IQCE: variants seen among roughly 807,000 people sequenced by gnomAD.
IQCE encodes the protein IQ motif containing E.
In IQCE, 115 loss-of-function variants were observed where a neutral mutation model predicts 96.0. That is an observed-to-expected ratio of 1.20 (90% CI 1.03 to 1.40). The LOEUF (loss-of-function observed/expected upper bound fraction) is 1.40. Ranked by LOEUF, IQCE falls within the 40% of genes most tolerant of loss-of-function variation. IQCE has a pLI of 0.00. For missense variants in IQCE, 1,041 were observed against 909.1 expected, an observed-to-expected ratio of 1.15 and a Z score of -1.87; for synonymous variants, 412 against 371.2, an observed-to-expected ratio of 1.11 and a Z score of -1.26.
Position 2,584,064 on chromosome 7 carries a change from C to A in IQCE, c.775-172C>A, listed in dbSNP as rs113229253. Among the ~76,000 whole-genome samples, 964 of 151,214 alleles carry A rather than the reference C, an allele frequency of 6.4e-3. 22 individuals carry two copies. Among genetic ancestry groups the A allele is most frequent in the African/African-American group, 0.022 (911 of 40,650 alleles). On this transcript the variant is annotated intron_variant, in intron 10 of 21. Transcript: ENST00000402050. ...TGGGCCGAGCCCAGGTGGCCCAGAG[C>A]TGTGCTCCTGGAGCCTGCTCCTGCT...
At position 2,608,588 on chromosome 7, in the gene IQCE, C is replaced by T. The variant is rs1292946127; in HGVS notation, c.1969+1361C>T. On this transcript the variant is annotated intron_variant, in intron 21 of 21. Coordinates refer to ENST00000402050, the MANE Select transcript of IQCE (RefSeq NM_152558.5). ...GTACAGACACGCAAAGCGGTCGGGC[C>T]GGCCTGTGACTCGTGGGCTCTGCAA... Among the ~76,000 whole-genome samples the T allele has an allele frequency of 9.2e-5, 14 of 152,302 alleles. 1 individual carries two copies. The South Asian group carries it at 2.7e-3, about 29-fold the overall frequency.
chr7:2,598,699 C>G, intron 17 of IQCE, 67 bp downstream of exon 17: 1 of 1,378,692 alleles, frequency 7.3e-7, no homozygotes, highest in Non-Finnish European at 9.5e-7. Context: ...AAGCCACTCA[C>G]TCTCCAGGAA....
At chr7:2,608,901 C>T (rs1784991882) in intron 21 of IQCE, among the ~76,000 whole-genome samples, 1 of 152,180 alleles carries the variant, frequency 6.6e-6, no homozygotes, top group Admixed American at 6.5e-5. Context: ...CATAAGGTTC[C>T]CCTTTAATAT....
intron 1 of IQCE, among the ~76,000 whole-genome samples, chr7:2,562,238 G>C (rs1479885411): frequency 6.6e-6 from 1 of 151,266 alleles, no homozygotes; most frequent in Non-Finnish European, 1.5e-5. Flanking sequence ...CTTGGGGTGT[G>C]TGTGTGTGTG....
intron 14 of IQCE, among the ~76,000 whole-genome samples, chr7:2,591,050 C>T (rs574435974): frequency 2.6e-5 from 4 of 152,034 alleles, no homozygotes; most frequent in East Asian, 1.9e-4. Flanking sequence ...TCCAGGAGTT[C>T]GAGACCAACC....
chr7:2,595,802 C>T (rs1206586489), intron 16 of IQCE, among the ~76,000 whole-genome samples: 1 of 149,276 alleles, frequency 6.7e-6, no homozygotes, highest in Non-Finnish European at 1.5e-5. Flanking sequence ...CCTGGAGGGT[C>T]GCAGCCATGC....
At chr7:2,566,905 T>G (rs1317183995) in intron 1 of IQCE, among the ~76,000 whole-genome samples, 1 of 152,212 alleles carries the variant, frequency 6.6e-6, no homozygotes, top group Non-Finnish European at 1.5e-5. Context: ...GGGCGGCGTT[T>G]TGTGTTTTGT....
chr7:2,566,276 G>A (rs1781363904), intron 1 of IQCE, among the ~76,000 whole-genome samples: 1 of 145,930 alleles, frequency 6.9e-6, no homozygotes, highest in African/African-American at 2.6e-5. Flanking sequence ...AAACACTTTT[G>A]TCTTCAAAAA....
At chr7:2,569,910 C>T (rs1365532056) in intron 3 of IQCE, among the ~76,000 whole-genome samples, 4 of 152,152 alleles carry the variant, frequency 2.6e-5, no homozygotes, top group Admixed American at 1.3e-4. Context: ...AGGAAATCAC[C>T]TAGCAATTTG....
chr7:2,591,927 TCGGCC>T (rs1470142752), intron 14 of IQCE, among the ~76,000 whole-genome samples: 21 of 143,340 alleles, frequency 1.5e-4, no homozygotes, highest in African/African-American at 4.7e-4. Flanking sequence ...CGGGCCTGCC[TCGGCC>T]TCCCAAAGTG....
In IQCE at chr7:2,610,689, G is replaced by C. The variant is rs1329402135; in HGVS notation, c.*527G>C. ...CACAGCAAAACACGGCCTGTCCCAA[G>C]CCAGTGAGGAGCTAAAGACACCCAG... On this transcript the variant is annotated 3_prime_UTR_variant, in exon 22 of 22. Coordinates refer to ENST00000402050, the MANE Select transcript of IQCE (RefSeq NM_152558.5). 6.4e-6 allele frequency: 1 copy of C among 157,006 alleles called. No homozygotes were observed. Among genetic ancestry groups the C allele is most frequent in the African/African-American group, 2.4e-5 (1 of 41,446 alleles). 9.7% of individuals were successfully genotyped at this position (157,006 alleles called of 1,614,324 possible).
intron 6 of IQCE, among the ~76,000 whole-genome samples, chr7:2,575,839 C>T (rs1170602216): frequency 1.3e-5 from 2 of 152,188 alleles, no homozygotes; most frequent in Non-Finnish European, 2.9e-5. Flanking sequence ...CCGTGTCGAT[C>T]GCTGGCCCCC....
chr7:2,565,154 G>C (rs1423590064), intron 1 of IQCE, among the ~76,000 whole-genome samples: 1 of 145,536 alleles, frequency 6.9e-6, no homozygotes, highest in East Asian at 1.9e-4. Context: ...GTGTGTGTGT[G>C]CTGTGTATGG....
At chr7:2,592,913 C>A in intron 14 of IQCE, 109 bp from the exon 15 acceptor site, 1 of 1,185,564 alleles carries the variant, frequency 8.4e-7, no homozygotes, top group African/African-American at 1.5e-5. Flanking sequence ...CCCCACCATC[C>A]ACTGTCCTAA....
chr7:2,601,613 A>C, intron 18 of IQCE, 149 bp downstream of exon 18: 3 of 686,152 alleles, frequency 4.4e-6, no homozygotes, highest in Non-Finnish European at 2.6e-6. Flanking sequence ...GCAGTGGTGC[A>C]ATCTTGGCTC....
chr7:2,564,610 AT>A (rs953104826), intron 1 of IQCE, among the ~76,000 whole-genome samples: 4 of 152,180 alleles, frequency 2.6e-5, no homozygotes, highest in African/African-American at 9.6e-5. Flanking sequence ...AAAAAAAAAA[AT>A]CTATACATTT....
chr7:2,601,599 GAGTGC>G lies in IQCE; in HGVS notation c.1632+140_1632+144del, dbSNP rs1784439767. On this transcript the variant is annotated intron_variant, in intron 18 of 21. Coordinates refer to ENST00000402050, the MANE Select transcript of IQCE (RefSeq NM_152558.5). ...GAATCTCGCTCTGTGGCCCAGCCTG[GAGTGC>G]AGTGGTGCAATCTTGGCTCACTGCA... 2.3e-5 allele frequency: 17 copies of G among 735,348 alleles called. No homozygotes were observed. In the South Asian group the frequency reaches 2.5e-4, roughly 11 times the overall value. 45.6% of individuals were successfully genotyped at this position (735,348 alleles called of 1,614,324 possible). A position where few individuals can be genotyped will look rare whatever the true frequency, so the allele number is the denominator to read the frequency against.
chr7:2,560,833 T>C (rs1245986833), intron 1 of IQCE, among the ~76,000 whole-genome samples: 1 of 147,348 alleles, frequency 6.8e-6, no homozygotes, highest in African/African-American at 2.5e-5. Flanking sequence ...GGCGGGCGCC[T>C]GTAGTCCCAG....
At chr7:2,582,524 G>C in intron 8 of IQCE, 56 bp from the exon 9 acceptor site, 1 of 1,483,188 alleles carries the variant, frequency 6.7e-7, no homozygotes, top group Non-Finnish European at 9.4e-7. Flanking sequence ...GGGGACAGCC[G>C]CTTCTACTGA....
Sources: allele counts gnomAD v4.1 joint callset (sites outside exome capture counted in the v4.1 genomes callset), GRCh38; gene constraint gnomAD v4.1.1; transcripts MANE v1.5; gene names NCBI Gene and HGNC (gene_info 2026-07-23, HGNC 2026-07-21).